Variants in AK7 observed in about 807,000 individuals in gnomAD.
The protein encoded by AK7 is adenylate kinase 7.
Under a neutral mutation model 96.6 loss-of-function variants are expected in AK7, and 78 were observed. The observed-to-expected ratio is 0.81, with a 90% CI of 0.67 to 0.97. The LOEUF (loss-of-function observed/expected upper bound fraction) is 0.97. Among genes scored for constraint, AK7 ranks in the 50% least tolerant of loss-of-function variants. The pLI is 0.00. For synonymous variants in AK7, 302 were observed against 317.2 expected, an observed-to-expected ratio of 0.95 and a Z score of 0.51; for missense variants, 855 against 887.9, an observed-to-expected ratio of 0.96 and a Z score of 0.47.
chr14:96,459,034 C>G (rs186333508), intron 12 of AK7, among the ~76,000 whole-genome samples: 53 of 151,372 alleles, frequency 3.5e-4, no homozygotes, highest in South Asian at 8.4e-4. Flanking sequence ...GAAGAACTTC[C>G]TAAGTTAAAA....
intron 5 of AK7, among the ~76,000 whole-genome samples, chr14:96,426,585 T>G (rs1286224380): frequency 2.0e-5 from 3 of 152,228 alleles, no homozygotes; most frequent in African/African-American, 7.2e-5. Flanking sequence ...GTGTTTCTTG[T>G]AGGACAGGTC....
chr14:96,482,808 G>A lies in AK7; in HGVS notation c.1754-191G>A, dbSNP rs143582712. On this transcript the variant is annotated intron_variant, in intron 15 of 17. Transcript: ENST00000267584. ...CCAAGTCCAAATTTTCCTACCCACAGCCCTCAGACTCTGGTCTGATATTTG... is the reference window on the plus strand; with the variant it reads ...CCAAGTCCAAATTTTCCTACCCACAACCCTCAGACTCTGGTCTGATATTTG... 3.3e-5 allele frequency among the ~76,000 whole-genome samples: 5 copies of A among 152,264 alleles called. No individual in the cohort carries two copies. The East Asian group carries it at 9.7e-4, about 29-fold the overall frequency.
intron 12 of AK7, among the ~76,000 whole-genome samples, chr14:96,458,417 G>A (rs967724947): frequency 6.6e-6 from 1 of 151,846 alleles, no homozygotes; most frequent in South Asian, 2.1e-4. Flanking sequence ...GCAGCATGGC[G>A]AAACCCCATC....
At position 96,418,251 on chromosome 14, in the gene AK7, G is replaced by A. The variant is rs535186853; in HGVS notation, c.499-2571G>A. Among the ~76,000 whole-genome samples, 32 of 145,832 alleles carry A rather than the reference G, an allele frequency of 2.2e-4. 2 individuals are homozygous for A. In the South Asian group the frequency reaches 6.1e-3, roughly 28 times the overall value. ...TCTAGGTGGACTCAGCTGTTCCCAG[G>A]AGGTTGAGGCTGCAGTGCGCTGTGA... On this transcript the variant is annotated intron_variant, in intron 4 of 17. Transcript: ENST00000267584.
At chr14:96,464,768 T>A (rs1894465876) in intron 12 of AK7, among the ~76,000 whole-genome samples, 2 of 152,138 alleles carry the variant, frequency 1.3e-5, no homozygotes, top group Non-Finnish European at 1.5e-5. Context: ...TCTCAAAATA[T>A]CAGGACATTT....
chr14:96,413,293 G>A (rs1472311677), intron 4 of AK7, among the ~76,000 whole-genome samples: 1 of 152,192 alleles, frequency 6.6e-6, no homozygotes, highest in East Asian at 1.9e-4. Flanking sequence ...TGCCCCTCCA[G>A]AGCCACTCTC....
chr14:96,463,200 A>G (rs1283626354), intron 12 of AK7, among the ~76,000 whole-genome samples: 2 of 152,184 alleles, frequency 1.3e-5, no homozygotes, highest in Non-Finnish European at 2.9e-5. Flanking sequence ...GTGGAAGTCT[A>G]ATCAGAACCA....
Position 96,420,913 on chromosome 14 carries a change from T to C in AK7, c.590T>C (p.Val197Ala). The part of the protein sequence containing the change: ...FLDHINAEKM[V>A]LKFGKKARKF... ...GACCACATAAATGCTGAAAAAATGG[T>C]TCTCAAATTTGGAAAAAAGGTAAGT... The change falls in exon 5 of 18, where the codon GTT becomes GCT. Residue 197 changes from valine to alanine, a missense_variant. Physicochemically the swap from Val to Ala is moderately conservative, Grantham distance 64. Coordinates refer to ENST00000267584, the MANE Select transcript of AK7 (RefSeq NM_152327.5). 6.2e-7 allele frequency: 1 copy of C among 1,611,292 alleles called. No individual in the cohort carries two copies. The highest frequency in any genetic ancestry group is 1.1e-5 in the South Asian group (1 of 90,978).
At chr14:96,404,171 A>AAAAAAC (rs1566760187) in intron 2 of AK7, among the ~76,000 whole-genome samples, 2 of 147,414 alleles carry the variant, frequency 1.4e-5, no homozygotes, top group African/African-American at 2.5e-5. Flanking sequence ...AAAAAAAAAA[A>AAAAAAC]AACACCAAAA....
chr14:96,451,397 C>A, intron 9 of AK7, 24 bp from the exon 10 acceptor site: 1 of 1,524,662 alleles, frequency 6.6e-7, no homozygotes, highest in Non-Finnish European at 8.8e-7. Context: ...AAAGACAAAT[C>A]TCTAATTGTC....
In AK7 at chr14:96,471,509, T is replaced by C. The variant is rs766782220; in HGVS notation, c.1389T>C (p.Phe463=). ...GQLDDQYIIR[F]MKEKLKSMPC... ...TAGACGATCAATATATAATTAGATT[T>C]ATGAAAGAAAAGCTAAAATCAATGC... The change falls in exon 13 of 18, where the codon TTT becomes TTC. Residue 463 remains phenylalanine, a synonymous_variant. Coordinates refer to ENST00000267584, the MANE Select transcript of AK7 (RefSeq NM_152327.5). 32 of 1,522,224 alleles carry C rather than the reference T, an allele frequency of 2.1e-5. No homozygotes were observed. Among genetic ancestry groups the C allele is most frequent in the Non-Finnish European group, 2.7e-5 (30 of 1,107,990 alleles). 94.3% of individuals were successfully genotyped at this position (1,522,224 alleles called of 1,614,324 possible). A position where few individuals can be genotyped will look rare whatever the true frequency, so the allele number is the denominator to read the frequency against.
intron 4 of AK7, among the ~76,000 whole-genome samples, chr14:96,419,717 G>T (rs1891555347): frequency 6.8e-6 from 1 of 146,240 alleles, no homozygotes; most frequent in Non-Finnish European, 1.5e-5. Flanking sequence ...AAGACTTTTA[G>T]TTTTTAATTT....
chr14:96,431,965 G>A (rs1188503018), intron 5 of AK7, among the ~76,000 whole-genome samples: 1 of 152,100 alleles, frequency 6.6e-6, no homozygotes, highest in Admixed American at 6.5e-5. Context: ...TATATATTTA[G>A]GATAGTTAGC....
intron 4 of AK7, among the ~76,000 whole-genome samples, chr14:96,409,320 C>T (rs1489459356): frequency 6.6e-6 from 1 of 152,170 alleles, no homozygotes; most frequent in Non-Finnish European, 1.5e-5. Flanking sequence ...TGCCTGTAAC[C>T]CGGCACTTTG....
Position 96,425,592 on chromosome 14 carries a change from C to G in AK7, c.609+4660C>G, listed in dbSNP as rs193149767. Among the ~76,000 whole-genome samples the G allele has an allele frequency of 3.6e-3, 547 of 150,656 alleles. 4 individuals are homozygous for G. Among genetic ancestry groups the G allele is most frequent in the African/African-American group, 0.013 (523 of 40,922 alleles). ...CTGCCTCCCAAGTTCAAATGACTCT[C>G]CTGCCTCAGCCTCCTGAGTAGCTGG... On this transcript the variant is annotated intron_variant, in intron 5 of 17. Transcript: ENST00000267584.
intron 12 of AK7, among the ~76,000 whole-genome samples, chr14:96,470,104 C>T (rs929325721): frequency 6.6e-6 from 1 of 151,962 alleles, no homozygotes; most frequent in African/African-American, 2.4e-5. Context: ...AGGTGTGAGC[C>T]ACCGCGCCCG....
At chr14:96,433,165 G>A (rs926038998) in intron 5 of AK7, among the ~76,000 whole-genome samples, 5 of 152,044 alleles carry the variant, frequency 3.3e-5, no homozygotes, top group African/African-American at 7.3e-5. Flanking sequence ...TCCTCTTCTC[G>A]AGGAGTATCT....
intron 12 of AK7, among the ~76,000 whole-genome samples, chr14:96,461,975 C>A (rs1438829422): frequency 1.3e-5 from 2 of 152,214 alleles, no homozygotes; most frequent in Non-Finnish European, 2.9e-5. Context: ...TAAGTACCAA[C>A]TGAGCTCTTT....
At chr14:96,405,328 T>C (rs576057481) in intron 3 of AK7, among the ~76,000 whole-genome samples, 38 of 152,044 alleles carry the variant, frequency 2.5e-4, no homozygotes, top group African/African-American at 9.2e-4. Context: ...CACTACAGGC[T>C]TGTGCCACCA....
Sources: gnomAD v4.1 joint callset for allele counts (sites outside exome capture counted in the v4.1 genomes callset) on GRCh38, gnomAD v4.1.1 for gene constraint, MANE v1.5 for transcripts, NCBI Gene and HGNC (gene_info 2026-07-23, HGNC 2026-07-21) for gene names.